Variants in MEGF11 observed in about 807,000 individuals in gnomAD.
MEGF11 encodes the protein multiple epidermal growth factor-like domains protein 11.
In MEGF11, 126 loss-of-function variants were observed where a neutral mutation model predicts 146.6. That is an observed-to-expected ratio of 0.86 (90% CI 0.74 to 1.00). The LOEUF is 1.00. Ranked by LOEUF, MEGF11 falls within the 50% of genes least tolerant of loss-of-function variation. The pLI is 0.00. For missense variants in MEGF11, 1,509 were observed against 1,521.2 expected (o/e 0.99, Z 0.13); for synonymous variants, 532 against 583.4 (o/e 0.91, Z 1.27).
At chr15:66,219,359 AG>A (rs1269972718) in intron 1 of MEGF11, among the ~76,000 whole-genome samples, 4 of 152,234 alleles carry the variant, frequency 2.6e-5, no homozygotes, top group Non-Finnish European at 4.4e-5. Flanking sequence ...TAAACTCTAC[AG>A]GAAGAAGTCA....
chr15:65,998,256 C>T (rs2082258839), intron 5 of MEGF11, among the ~76,000 whole-genome samples: 1 of 152,168 alleles, frequency 6.6e-6, no homozygotes, highest in African/African-American at 2.4e-5. Flanking sequence ...CCCTGGTAGG[C>T]CAGTGCCTGC....
At chr15:66,059,245 A>T (rs2084803141) in intron 5 of MEGF11, among the ~76,000 whole-genome samples, 1 of 152,106 alleles carries the variant, frequency 6.6e-6, no homozygotes, top group Non-Finnish European at 1.5e-5. Context: ...CGCCATCCTC[A>T]CCACGAGGAA....
At chr15:66,161,115 A>C (rs534568881) in intron 1 of MEGF11, among the ~76,000 whole-genome samples, 1 of 152,224 alleles carries the variant, frequency 6.6e-6, no homozygotes, top group Non-Finnish European at 1.5e-5. Flanking sequence ...GACTGGGACA[A>C]ACACCTAAAG....
chr15:66,152,596 G>A (rs1437221837), intron 1 of MEGF11, among the ~76,000 whole-genome samples: 2 of 152,256 alleles, frequency 1.3e-5, no homozygotes, highest in Non-Finnish European at 2.9e-5. Context: ...CCTTGGCCCA[G>A]TGGGGGATGT....
At chr15:66,082,452 AAAAAAAAAAAAAAAATCTATCTATCT>A (rs2085905232) in intron 5 of MEGF11, among the ~76,000 whole-genome samples, 1 of 114,546 alleles carries the variant, frequency 8.7e-6, no homozygotes, top group Non-Finnish European at 1.7e-5. Flanking sequence ...AAAAAAAAAA[AAAAAAAAAAAAAAAATCTATCTATCT>A]ATCTATCTAT....
chr15:66,251,939 C>G (rs1006405289), intron 1 of MEGF11, among the ~76,000 whole-genome samples: 4 of 152,230 alleles, frequency 2.6e-5, no homozygotes, highest in Non-Finnish European at 4.4e-5. Flanking sequence ...GGATGCTCAA[C>G]GTCTGCTCAA....
chr15:66,052,250 G>T (rs758634692), intron 5 of MEGF11, among the ~76,000 whole-genome samples: 2 of 152,140 alleles, frequency 1.3e-5, no homozygotes, highest in Non-Finnish European at 2.9e-5. Flanking sequence ...TGCTGGGGGT[G>T]GGGGGCAAGG....
At chr15:66,197,101 C>T (rs2091027079) in intron 1 of MEGF11, among the ~76,000 whole-genome samples, 1 of 152,162 alleles carries the variant, frequency 6.6e-6, no homozygotes, top group Admixed American at 6.5e-5. Flanking sequence ...AGTAATGGAG[C>T]CACATACAGT....
At chr15:65,943,223 C>T (rs2080071201) in intron 10 of MEGF11, among the ~76,000 whole-genome samples, 1 of 152,160 alleles carries the variant, frequency 6.6e-6, no homozygotes, top group Non-Finnish European at 1.5e-5. Flanking sequence ...GGCGATCCAC[C>T]TGCCTTGGCC....
At chr15:66,012,791 ACCAGGCAGCAGCG>A (rs1479187122) in intron 5 of MEGF11, among the ~76,000 whole-genome samples, 3 of 152,238 alleles carry the variant, frequency 2.0e-5, no homozygotes, top group African/African-American at 7.2e-5. Flanking sequence ...CATCAAGGCC[ACCAGGCAGCAGCG>A]CTTCCCCTAG....
chr15:66,051,784 G>A (rs1053823770), intron 5 of MEGF11, among the ~76,000 whole-genome samples: 1 of 152,198 alleles, frequency 6.6e-6, no homozygotes, highest in Non-Finnish European at 1.5e-5. Context: ...GGGCTCACTG[G>A]TCGATTTCGG....
At chr15:65,931,455 C>G (rs1011029293) in intron 10 of MEGF11, among the ~76,000 whole-genome samples, 1 of 152,214 alleles carries the variant, frequency 6.6e-6, no homozygotes, top group African/African-American at 2.4e-5. Flanking sequence ...CCTGCTGGCA[C>G]CTTGGCTTCA....
At position 65,936,583 on chromosome 15, in the gene MEGF11, C is replaced by T. The variant is rs551541649; in HGVS notation, c.1288-5640G>A. 4.6e-5 allele frequency among the ~76,000 whole-genome samples: 7 copies of T among 152,292 alleles called. No homozygotes were observed. The South Asian group carries it at 1.2e-3, about 27-fold the overall frequency. On this transcript the variant is annotated intron_variant, in intron 10 of 25. Transcript: ENST00000395614. ...GCAGGCTCCAAGGGCACAGAAGAGA[C>T]TGGGACCCAGTCTCTGGCCTTGGGC...
intron 15 of MEGF11, among the ~76,000 whole-genome samples, chr15:65,919,527 A>C (rs1359849812): frequency 6.6e-6 from 1 of 151,718 alleles, no homozygotes; most frequent in African/African-American, 2.4e-5. Flanking sequence ...TGATTAAAAA[A>C]CACTTTATTG....
At chr15:66,222,904 T>G (rs544109673) in intron 1 of MEGF11, among the ~76,000 whole-genome samples, 1 of 152,312 alleles carries the variant, frequency 6.6e-6, no homozygotes, top group East Asian at 1.9e-4. Context: ...TGTAAAATGG[T>G]GTAGCCACTT....
At chr15:66,135,491 G>T (rs1242132242) in intron 1 of MEGF11, among the ~76,000 whole-genome samples, 1 of 152,232 alleles carries the variant, frequency 6.6e-6, no homozygotes, top group Non-Finnish European at 1.5e-5. Flanking sequence ...GCTAGGAGAG[G>T]GTAGTAGACC....
chr15:66,090,518 T>C (rs2086276883), intron 5 of MEGF11, among the ~76,000 whole-genome samples: 1 of 152,260 alleles, frequency 6.6e-6, no homozygotes. Context: ...CATATGTCAC[T>C]TCAGAAATAT....
At chr15:66,247,728 G>A (rs976829177) in intron 1 of MEGF11, among the ~76,000 whole-genome samples, 1 of 151,602 alleles carries the variant, frequency 6.6e-6, no homozygotes, top group East Asian at 1.9e-4. Flanking sequence ...GCAACAGAAG[G>A]AGAGCCCTTT....
chr15:65,909,999 G>A (rs2078749003), intron 21 of MEGF11, 193 bp from the exon 22 acceptor site: 1 of 694,122 alleles, frequency 1.4e-6, no homozygotes, highest in Non-Finnish European at 2.6e-6. Context: ...AGTGGGAATA[G>A]AACATACCCC....
Sources: allele counts gnomAD v4.1 joint callset (sites outside exome capture counted in the v4.1 genomes callset), GRCh38; gene constraint gnomAD v4.1.1; transcripts MANE v1.5; gene names NCBI Gene and HGNC (gene_info 2026-07-23, HGNC 2026-07-21).